Variants in USP28 observed in about 807,000 individuals in gnomAD.
USP28 encodes ubiquitin specific peptidase 28, also known as ubiquitin carboxyl-terminal hydrolase 28.
A neutral mutation model predicts 145.0 loss-of-function variants in USP28; 113 were observed. The ratio of observed to expected loss-of-function variants is 0.78; its 90% CI spans 0.67 to 0.91. The LOEUF is 0.91. Ranked by LOEUF, USP28 falls within the 40% of genes least tolerant of loss-of-function variation. The pLI, the probability that USP28 is intolerant of heterozygous loss-of-function variation, is 0.00. For synonymous variants in USP28, 447 were observed against 450.9 expected, an observed-to-expected ratio of 0.99 and a Z score of 0.11; for missense variants, 1,201 against 1,289.6, an observed-to-expected ratio of 0.93 and a Z score of 1.05.
chr11:113,799,975 A>G (rs1002975817), intron 24 of USP28, among the ~76,000 whole-genome samples: 1 of 152,208 alleles, frequency 6.6e-6, no homozygotes, highest in Non-Finnish European at 1.5e-5. Context: ...AATAAATACT[A>G]TCAACTTAAA....
intron 9 of USP28, among the ~76,000 whole-genome samples, chr11:113,829,653 C>CCT (rs1175846925): frequency 6.6e-6 from 1 of 151,986 alleles, no homozygotes; most frequent in Non-Finnish European, 1.5e-5. Flanking sequence ...CAGTGACACC[C>CCT]CTGTCTCTAC....
chr11:113,852,681 T>TA (rs765979775), intron 2 of USP28, 48 bp from the exon 3 acceptor site: 30 of 1,604,220 alleles, frequency 1.9e-5, no homozygotes, highest in African/African-American at 2.7e-5. Flanking sequence ...TCATAGAATT[T>TA]AAAACCAGTT....
intron 1 of USP28, among the ~76,000 whole-genome samples, chr11:113,869,629 T>C (rs762584846): frequency 7.2e-5 from 11 of 152,032 alleles, no homozygotes; most frequent in Non-Finnish European, 1.3e-4. Context: ...TCATCAGTAA[T>C]AGGGTAATAG....
At chr11:113,827,341 G>A in exon 11 of USP28, 1 of 1,602,048 alleles carries the variant, frequency 6.2e-7, no homozygotes, top group Non-Finnish European at 8.5e-7. Context: ...CAACACTGGA[G>A]GTAGCTTTGT....
At chr11:113,829,281 G>A in exon 10 of USP28, 1 of 1,614,126 alleles carries the variant, frequency 6.2e-7, no homozygotes, top group Non-Finnish European at 8.5e-7. Context: ...ACTCGTCTAA[G>A]TTGCGATAAC....
chr11:113,859,687 T>G (rs1455895759), intron 1 of USP28, among the ~76,000 whole-genome samples: 3 of 152,040 alleles, frequency 2.0e-5, no homozygotes, highest in African/African-American at 7.2e-5. Flanking sequence ...TCACCTGAAC[T>G]TCACAGAAAG....
At chr11:113,838,888 T>A (rs1944881460) in intron 5 of USP28, among the ~76,000 whole-genome samples, 1 of 152,190 alleles carries the variant, frequency 6.6e-6, no homozygotes. Context: ...AAGGGAGAAT[T>A]CCATTTTTTG....
intron 2 of USP28, among the ~76,000 whole-genome samples, chr11:113,853,878 C>CAAGAAAAAAAAAA (rs1946747617): frequency 8.1e-6 from 1 of 123,232 alleles, no homozygotes; most frequent in African/African-American, 3.2e-5. Context: ...GACTCCATCT[C>CAAGAAAAAAAAAA]AAAAAAAAAA....
chr11:113,827,508 C>G, intron 10 of USP28, 148 bp from the exon 11 acceptor site: 1 of 698,408 alleles, frequency 1.4e-6, no homozygotes, highest in Non-Finnish European at 2.2e-6. Context: ...TTTTTTTATC[C>G]CAAACACTAA....
intron 22 of USP28, among the ~76,000 whole-genome samples, 185 bp from the exon 24 acceptor site, chr11:113,803,466 T>C (rs1328433365): frequency 6.6e-6 from 1 of 152,186 alleles, no homozygotes; most frequent in Non-Finnish European, 1.5e-5. Context: ...AATATGAAAC[T>C]TCCCTAGGCC....
chr11:113,849,908 A>G (rs1175702644), intron 3 of USP28, among the ~76,000 whole-genome samples: 1 of 152,210 alleles, frequency 6.6e-6, no homozygotes, highest in Non-Finnish European at 1.5e-5. Flanking sequence ...CTATCCCAAC[A>G]GACCATGCAA....
At chr11:113,828,700 TCCC>T in intron 10 of USP28, 1 of 312,852 alleles carries the variant, frequency 3.2e-6, no homozygotes, top group Non-Finnish European at 6.2e-6. Flanking sequence ...CCCTTTAACT[TCCC>T]CCGTCTTTCC....
exon 18 of USP28, chr11:113,808,380 A>G (rs761008643): frequency 6.2e-7 from 1 of 1,614,118 alleles, no homozygotes. Context: ...CTCCTTTACA[A>G]TCACAGCATG....
chr11:113,803,156 A>G lies in USP28; in HGVS notation c.2862+2T>C. 5 of 1,611,504 alleles carry G rather than the reference A, an allele frequency of 3.1e-6. No homozygotes were observed. Among genetic ancestry groups the G allele is most frequent in the Non-Finnish European group, 4.2e-6 (5 of 1,179,726 alleles). ...CCTTAAGGCTTTACAAACAGTACAA[A>G]CCAGAAGGCATTTTCTTCGGTATAA... On this transcript the variant is annotated splice_donor_variant, in intron 23 of 24. Transcript: ENST00000003302. LOFTEE classifies it high-confidence loss of function.
chr11:113,816,284 A>T (rs1451585399), intron 13 of USP28, among the ~76,000 whole-genome samples: 1 of 152,164 alleles, frequency 6.6e-6, no homozygotes, highest in Non-Finnish European at 1.5e-5. Context: ...TGGGAGGCTA[A>T]GGAGGGCAAA....
chr11:113,813,022 T>C (rs142728483), intron 15 of USP28, among the ~76,000 whole-genome samples: 202 of 152,326 alleles, frequency 1.3e-3, no homozygotes, highest in Non-Finnish European at 2.1e-3. Flanking sequence ...ACTTGTTTGT[T>C]ACAACATTTG....
chr11:113,869,403 T>A (rs200151502), intron 1 of USP28, among the ~76,000 whole-genome samples: 2 of 152,178 alleles, frequency 1.3e-5, no homozygotes, highest in East Asian at 3.8e-4. Flanking sequence ...TACTCCATCC[T>A]GGGCAACAGA....
chr11:113,838,249 TTC>T (rs758296181), intron 5 of USP28, among the ~76,000 whole-genome samples: 9 of 152,128 alleles, frequency 5.9e-5, no homozygotes, highest in Admixed American at 3.3e-4. Flanking sequence ...AGCATTATCT[TTC>T]TCTCTCTCTA....
intron 2 of USP28, among the ~76,000 whole-genome samples, chr11:113,853,791 A>T (rs2136521810): frequency 6.7e-6 from 1 of 150,218 alleles, no homozygotes; most frequent in East Asian, 2.0e-4. Context: ...AGGTGGGAGA[A>T]CAGCTTGAAT....
Sources: gnomAD v4.1 joint callset for allele counts (sites outside exome capture counted in the v4.1 genomes callset) on GRCh38, gnomAD v4.1.1 for gene constraint, MANE v1.5 for transcripts, NCBI Gene and HGNC (gene_info 2026-07-23, HGNC 2026-07-21) for gene names.